Variants in SPOCK3 observed in about 807,000 individuals in gnomAD.
The protein encoded by SPOCK3 is testican-3.
A neutral mutation model predicts 56.6 loss-of-function variants in SPOCK3; 30 were observed. The observed-to-expected ratio is 0.53, with a 90% CI of 0.40 to 0.72. The LOEUF is 0.72. SPOCK3 is among the 30% of genes least tolerant of loss of function. The pLI, the probability that SPOCK3 is intolerant of heterozygous loss-of-function variation, is 0.00. For missense variants in SPOCK3, 527 were observed against 530.0 expected, an observed-to-expected ratio of 0.99 and a Z score of 0.06; for synonymous variants, 196 against 183.3, an observed-to-expected ratio of 1.07 and a Z score of -0.56.
intron 2 of SPOCK3, among the ~76,000 whole-genome samples, chr4:167,170,086 T>C (rs1011931137): frequency 6.6e-6 from 1 of 152,158 alleles, no homozygotes; most frequent in African/African-American, 2.4e-5. Context: ...GAGAATGGAC[T>C]AATACAAACA....
intron 2 of SPOCK3, among the ~76,000 whole-genome samples, chr4:167,222,778 T>C (rs1381838289): frequency 3.2e-5 from 4 of 125,764 alleles, no homozygotes; most frequent in South Asian, 2.4e-4. Flanking sequence ...AATATATAAA[T>C]ATATAAACAT....
chr4:166,931,466 C>T (rs868075601), intron 4 of SPOCK3, among the ~76,000 whole-genome samples: 12 of 152,210 alleles, frequency 7.9e-5, no homozygotes, highest in Middle Eastern at 6.8e-3. Flanking sequence ...ATATTATATT[C>T]TTTACATATT....
intron 2 of SPOCK3, among the ~76,000 whole-genome samples, chr4:167,174,446 A>G (rs1730789900): frequency 6.6e-6 from 1 of 151,882 alleles, no homozygotes; most frequent in Admixed American, 6.6e-5. Context: ...GAAAAAAAAA[A>G]AATTACTCCA....
In SPOCK3 at chr4:167,074,999, A is replaced by ACATT. The variant is rs1441444040; in HGVS notation, c.190-12466_190-12463dup. 1.4e-4 allele frequency among the ~76,000 whole-genome samples: 21 copies of ACATT among 152,024 alleles called. No individual in the cohort carries two copies. In the East Asian group the frequency reaches 3.9e-3, roughly 28 times the overall value. On this transcript the variant is annotated intron_variant, in intron 2 of 10. Transcript: ENST00000357545. The stretch of plus-strand genomic sequence containing the variant: ...AGCATGTATCATTTTTGGTTTAGGA[A>ACATT]CATTCCATTTCCACTCTTAGTTATT...
intron 8 of SPOCK3, among the ~76,000 whole-genome samples, chr4:166,748,277 C>A (rs1370637126): frequency 7.3e-6 from 1 of 136,910 alleles, no homozygotes; most frequent in Non-Finnish European, 1.5e-5. Flanking sequence ...GGTACTGGTA[C>A]CAAAACAGAG....
At chr4:166,899,035 C>T (rs1735716956) in intron 5 of SPOCK3, among the ~76,000 whole-genome samples, 1 of 151,964 alleles carries the variant, frequency 6.6e-6, no homozygotes, top group African/African-American at 2.4e-5. Flanking sequence ...AGACATCTAT[C>T]TTCTGCCCTC....
chr4:167,025,756 G>A (rs529967054), intron 3 of SPOCK3, among the ~76,000 whole-genome samples: 34 of 152,028 alleles, frequency 2.2e-4, no homozygotes, highest in African/African-American at 7.0e-4. Context: ...AAAACACTAC[G>A]TAACATAAAA....
intron 6 of SPOCK3, among the ~76,000 whole-genome samples, chr4:166,815,826 A>G (rs1001588741): frequency 1.3e-5 from 2 of 152,216 alleles, no homozygotes; most frequent in Admixed American, 6.5e-5. Context: ...ATAGGTTTTT[A>G]TTAATCAACC....
chr4:167,024,463 C>A (rs1157642068), intron 3 of SPOCK3, among the ~76,000 whole-genome samples: 2 of 151,914 alleles, frequency 1.3e-5, no homozygotes. Flanking sequence ...CTAATAAATT[C>A]TATTAGATTA....
chr4:166,981,574 G>C (rs557728715), intron 4 of SPOCK3, among the ~76,000 whole-genome samples: 9 of 152,304 alleles, frequency 5.9e-5, no homozygotes, highest in African/African-American at 2.2e-4. Flanking sequence ...GGGAGGAAGT[G>C]CATGCTGATT....
At chr4:166,940,094 T>A (rs1740878404) in intron 4 of SPOCK3, among the ~76,000 whole-genome samples, 1 of 152,122 alleles carries the variant, frequency 6.6e-6, no homozygotes. Flanking sequence ...AATGACCAAG[T>A]GTATAAGTCA....
chr4:167,056,069 G>A (rs138235130), intron 3 of SPOCK3, among the ~76,000 whole-genome samples: 2,317 of 152,256 alleles, frequency 0.015, 21 homozygotes, highest in Non-Finnish European at 0.023. Context: ...GGGGCAGACT[G>A]ACACCTCACA....
intron 3 of SPOCK3, among the ~76,000 whole-genome samples, chr4:167,026,891 G>A (rs1050906011): frequency 2.1e-5 from 3 of 145,486 alleles, no homozygotes; most frequent in East Asian, 2.1e-4. Context: ...TTCCTAAAAC[G>A]TGACATTTTG....
chr4:167,032,015 C>T (rs1323718747), intron 3 of SPOCK3, among the ~76,000 whole-genome samples: 1 of 151,820 alleles, frequency 6.6e-6, no homozygotes, highest in East Asian at 1.9e-4. Context: ...CATTAAAAGA[C>T]CAAAATTCAC....
intron 4 of SPOCK3, among the ~76,000 whole-genome samples, chr4:166,977,198 CATT>C (rs1469693979): frequency 6.6e-6 from 1 of 151,930 alleles, no homozygotes; most frequent in Non-Finnish European, 1.5e-5. Context: ...GTCTTTTTTA[CATT>C]ATTAGGTTTA....
intron 3 of SPOCK3, among the ~76,000 whole-genome samples, chr4:167,019,701 ATG>A (rs1461069781): frequency 6.6e-6 from 1 of 152,108 alleles, no homozygotes; most frequent in Non-Finnish European, 1.5e-5. Flanking sequence ...AAAAATTAAA[ATG>A]TGTGTTAGGG....
intron 2 of SPOCK3, among the ~76,000 whole-genome samples, chr4:167,192,628 G>T (rs1298187098): frequency 1.4e-5 from 2 of 144,980 alleles, no homozygotes; most frequent in Non-Finnish European, 3.0e-5. Context: ...GTTATAACTT[G>T]TACTGTTTCT....
intron 2 of SPOCK3, among the ~76,000 whole-genome samples, chr4:167,069,313 AG>A (rs1403627667): frequency 6.6e-6 from 1 of 151,938 alleles, no homozygotes; most frequent in Admixed American, 6.6e-5. Flanking sequence ...TATCCCCAGC[AG>A]GGCTACCAGA....
chr4:166,908,517 C>G (rs1206505849), intron 5 of SPOCK3, among the ~76,000 whole-genome samples: 1 of 116,640 alleles, frequency 8.6e-6, no homozygotes, highest in Non-Finnish European at 1.7e-5. Context: ...TGCCTTCCTT[C>G]AAAACCATGC....
Sources: allele counts gnomAD v4.1 joint callset (sites outside exome capture counted in the v4.1 genomes callset), GRCh38; gene constraint gnomAD v4.1.1; transcripts MANE v1.5; gene names NCBI Gene and HGNC (gene_info 2026-07-23, HGNC 2026-07-21).